GLRA3: variants seen among roughly 807,000 people sequenced by gnomAD.
The protein encoded by GLRA3 is glycine receptor alpha 3, also known as glycine receptor subunit alpha-3.
GLRA3 carries 44 observed loss-of-function variants against 60.4 expected under a neutral mutation model. The ratio of observed to expected loss-of-function variants is 0.73; its 90% CI spans 0.57 to 0.94. The LOEUF is 0.94. Ranked by LOEUF, GLRA3 falls within the 40% of genes least tolerant of loss-of-function variation. GLRA3 has a pLI of 0.00. For missense variants in GLRA3, 508 were observed against 564.6 expected, an observed-to-expected ratio of 0.90 and a Z score of 1.02; for synonymous variants, 223 against 192.9, an observed-to-expected ratio of 1.16 and a Z score of -1.29.
chr4:174,790,472 G>C (rs1013091826), intron 1 of GLRA3, among the ~76,000 whole-genome samples: 1 of 151,928 alleles, frequency 6.6e-6, no homozygotes, highest in Non-Finnish European at 1.5e-5. Flanking sequence ...CTATCAAGAA[G>C]CATTTGTTTA....
chr4:174,677,070 G>A lies in GLRA3; in HGVS notation c.927+8C>T, dbSNP rs1168926315. ...GCAAAGATGTGCATGCTCATTCAGTGCACTTACTTTTGGCAAGGAAGCTCG... is the reference window on the plus strand; with the variant it reads ...GCAAAGATGTGCATGCTCATTCAGTACACTTACTTTTGGCAAGGAAGCTCG... On this transcript the variant is annotated splice_region_variant and intron_variant, in intron 7 of 9. Transcript: ENST00000274093. 2 of 1,528,546 alleles carry A rather than the reference G, an allele frequency of 1.3e-6. No individual in the cohort carries two copies. Among genetic ancestry groups the A allele is most frequent in the Non-Finnish European group, 9.1e-7 (1 of 1,102,200 alleles). 94.7% of individuals were successfully genotyped at this position (1,528,546 alleles called of 1,614,324 possible).
At chr4:174,820,572 C>A (rs1740704663) in intron 1 of GLRA3, among the ~76,000 whole-genome samples, 1 of 152,126 alleles carries the variant, frequency 6.6e-6, no homozygotes, top group African/African-American at 2.4e-5. Flanking sequence ...GCATCCTCAC[C>A]TAGACTTTAG....
intron 8 of GLRA3, among the ~76,000 whole-genome samples, chr4:174,658,399 A>T (rs1220989251): frequency 6.6e-6 from 1 of 152,164 alleles, no homozygotes; most frequent in African/African-American, 2.4e-5. Context: ...TAGAGGAAGA[A>T]CTTCATTTAG....
chr4:174,782,764 A>T lies in GLRA3; in HGVS notation c.199+6052T>A, dbSNP rs1344661031. On this transcript the variant is annotated intron_variant, in intron 2 of 9. Coordinates refer to ENST00000274093, the MANE Select transcript of GLRA3 (RefSeq NM_006529.4). ...TACCTAGGAATCCAACTTACAAGGG[A>T]TGTGAAGGACCTCTTCAAGGAGAAC... Among the ~76,000 whole-genome samples, 8 of 152,228 alleles carry T rather than the reference A, an allele frequency of 5.3e-5. No homozygotes were observed. The East Asian group carries it at 1.5e-3, about 29-fold the overall frequency.
At chr4:174,656,691 C>G in intron 9 of GLRA3, 52 bp downstream of exon 9, 1 of 998,612 alleles carries the variant, frequency 1.0e-6, no homozygotes, top group East Asian at 2.4e-5. Flanking sequence ...ATGCTGTCTG[C>G]TTTTTACTGA....
intron 1 of GLRA3, among the ~76,000 whole-genome samples, chr4:174,795,212 G>T (rs1739518388): frequency 6.6e-6 from 1 of 151,922 alleles, no homozygotes; most frequent in African/African-American, 2.4e-5. Flanking sequence ...GACCAAGACG[G>T]AAGATATATC....
chr4:174,644,888 G>T (rs886277658), intron 9 of GLRA3, among the ~76,000 whole-genome samples: 3 of 151,792 alleles, frequency 2.0e-5, no homozygotes, highest in Admixed American at 2.0e-4. Context: ...AATATATGAT[G>T]AAATATACTT....
At chr4:174,665,981 G>A (rs999593614) in intron 7 of GLRA3, among the ~76,000 whole-genome samples, 2 of 152,152 alleles carry the variant, frequency 1.3e-5, no homozygotes, top group African/African-American at 4.8e-5. Context: ...TAAAGATGAG[G>A]AAACAGTTGC....
chr4:174,688,620 C>T (rs896058240), intron 5 of GLRA3, among the ~76,000 whole-genome samples: 12 of 106,556 alleles, frequency 1.1e-4, no homozygotes, highest in East Asian at 7.9e-4. Flanking sequence ...GTGTGTGTGA[C>T]GTTATTTTGG....
At chr4:174,813,929 C>T (rs982350320) in intron 1 of GLRA3, among the ~76,000 whole-genome samples, 6 of 152,098 alleles carry the variant, frequency 3.9e-5, no homozygotes, top group Non-Finnish European at 5.9e-5. Context: ...GGGGTTAGCT[C>T]GTTTACTCAG....
intron 1 of GLRA3, among the ~76,000 whole-genome samples, chr4:174,805,014 A>G (rs1371613970): frequency 6.6e-6 from 1 of 152,188 alleles, no homozygotes; most frequent in African/African-American, 2.4e-5. Context: ...CCTGGCTTCC[A>G]GATAGCCTTT....
At chr4:174,731,685 C>T (rs1337922512) in intron 3 of GLRA3, among the ~76,000 whole-genome samples, 2 of 152,162 alleles carry the variant, frequency 1.3e-5, no homozygotes, top group East Asian at 3.9e-4. Context: ...AAATTCTGTT[C>T]ATCCAAAGGT....
intron 1 of GLRA3, among the ~76,000 whole-genome samples, chr4:174,803,008 T>C (rs1337191756): frequency 1.3e-5 from 2 of 152,068 alleles, no homozygotes; most frequent in African/African-American, 4.8e-5. Flanking sequence ...AGACTTAATA[T>C]TGGGTTATGG....
intron 1 of GLRA3, among the ~76,000 whole-genome samples, chr4:174,813,600 A>G (rs950518420): frequency 3.3e-5 from 5 of 152,208 alleles, no homozygotes; most frequent in Admixed American, 3.3e-4. Context: ...CACTTCAAAG[A>G]TATAATTGTG....
chr4:174,722,911 T>G (rs1736184995), intron 4 of GLRA3: 1 of 167,258 alleles, frequency 6.0e-6, no homozygotes, highest in African/African-American at 2.4e-5. Flanking sequence ...AAAAATTAAG[T>G]TTTGGATTGT....
At chr4:174,774,432 G>A (rs1160948700) in intron 2 of GLRA3, among the ~76,000 whole-genome samples, 5 of 150,560 alleles carry the variant, frequency 3.3e-5, no homozygotes, top group African/African-American at 9.8e-5. Flanking sequence ...ATATGTGTGG[G>A]TATATATAGA....
intron 8 of GLRA3, among the ~76,000 whole-genome samples, chr4:174,657,334 T>G (rs974538478): frequency 1.1e-4 from 16 of 152,300 alleles, no homozygotes; most frequent in Middle Eastern, 3.4e-3. Context: ...TTTCACAGTT[T>G]ACCCATTTGG....
intron 2 of GLRA3, among the ~76,000 whole-genome samples, chr4:174,775,129 A>G (rs778596044): frequency 7.2e-5 from 11 of 152,308 alleles, no homozygotes; most frequent in Admixed American, 4.6e-4. Flanking sequence ...GTTTTAGAAG[A>G]GCTTATTATT....
chr4:174,677,043 G>A, intron 7 of GLRA3, 35 bp downstream of exon 7: 1 of 1,225,798 alleles, frequency 8.2e-7, no homozygotes, highest in Non-Finnish European at 1.2e-6. Context: ...ATAAGTGTGT[G>A]TGCAAAGATG....
Sources: gnomAD v4.1 joint callset for allele counts (sites outside exome capture counted in the v4.1 genomes callset) on GRCh38, gnomAD v4.1.1 for gene constraint, MANE v1.5 for transcripts, NCBI Gene and HGNC (gene_info 2026-07-23, HGNC 2026-07-21) for gene names.